The following CNBD1 variants were observed in gnomAD, a reference collection of about 807,000 sequenced individuals.
The protein encoded by CNBD1 is cyclic nucleotide binding domain containing 1, also known as cyclic nucleotide-binding domain-containing protein 1.
CNBD1 carries 71 observed loss-of-function variants against 54.4 expected under a neutral mutation model. That is an observed-to-expected ratio of 1.30 (90% confidence interval 1.08 to 1.59). The LOEUF is 1.59. CNBD1 is among the 40% of genes most tolerant of loss of function. The pLI, the probability that CNBD1 is intolerant of heterozygous loss-of-function variation, is 0.00. For synonymous variants in CNBD1, 182 were observed against 170.7 expected (o/e 1.07, Z -0.51); for missense variants, 659 against 518.0 (o/e 1.27, Z -2.64).
At chr8:87,302,201 AC>A (rs1294308738) in intron 8 of CNBD1, among the ~76,000 whole-genome samples, 5 of 152,164 alleles carry the variant, frequency 3.3e-5, no homozygotes, top group Non-Finnish European at 7.4e-5. Flanking sequence ...AGAATTTTAG[AC>A]CAATATCCCT....
intron 4 of CNBD1, among the ~76,000 whole-genome samples, chr8:87,000,285 G>A (rs1478375847): frequency 2.6e-5 from 4 of 152,070 alleles, no homozygotes; most frequent in South Asian, 2.1e-4. Context: ...ACTCTCTGTA[G>A]GCTGTCACCA....
chr8:87,200,920 C>T (rs1813846132), intron 4 of CNBD1, among the ~76,000 whole-genome samples: 1 of 152,026 alleles, frequency 6.6e-6, no homozygotes. Context: ...TAGCCTGATA[C>T]CAAAACCAAA....
intron 4 of CNBD1, among the ~76,000 whole-genome samples, chr8:87,160,229 A>C (rs905290452): frequency 2.0e-5 from 3 of 152,138 alleles, no homozygotes; most frequent in African/African-American, 7.2e-5. Context: ...TATGTATTTT[A>C]ATTTTATTTT....
chr8:87,142,541 A>T lies in CNBD1; in HGVS notation c.432-63452A>T, dbSNP rs1586286217. Among the ~76,000 whole-genome samples, 3 of 152,272 alleles carry T rather than the reference A, an allele frequency of 2.0e-5. 1 individual carries two copies. The Middle Eastern group carries it at 0.01, about 518-fold the overall frequency. ...AATACATTTAACTCTTCATAAGGTT[A>T]TGAGAATGTTTAGAAATAAAACATA... On this transcript the variant is annotated intron_variant, in intron 4 of 10. Coordinates refer to ENST00000518476, the MANE Select transcript of CNBD1 (RefSeq NM_173538.3).
chr8:87,306,263 G>T (rs1368355951), intron 8 of CNBD1, among the ~76,000 whole-genome samples: 1 of 152,042 alleles, frequency 6.6e-6, no homozygotes, highest in Non-Finnish European at 1.5e-5. Flanking sequence ...AGTAGATGGT[G>T]GTGTGGCTGC....
At chr8:87,298,063 A>C (rs1808914339) in intron 8 of CNBD1, among the ~76,000 whole-genome samples, 1 of 151,920 alleles carries the variant, frequency 6.6e-6, no homozygotes, top group African/African-American at 2.4e-5. Context: ...TGTATTTTAA[A>C]TACATCAGGA....
Position 87,265,291 on chromosome 8 carries a change from G to T in CNBD1, c.772-19387G>T, listed in dbSNP as rs187533680. On this transcript the variant is annotated intron_variant, in intron 6 of 10. Coordinates refer to ENST00000518476, the MANE Select transcript of CNBD1 (RefSeq NM_173538.3). ...CCCATTGCTTGTTTTTCTCAGGTTT[G>T]TCAAAGATCAGATAGTTGTAGATAT... Among the ~76,000 whole-genome samples the T allele has an allele frequency of 2.7e-3, 416 of 152,106 alleles. 1 individual carries two copies. Among genetic ancestry groups the T allele is most frequent in the African/African-American group, 9.6e-3 (397 of 41,460 alleles).
chr8:87,420,039 C>A (rs893071043), intron 2 of CNBD1, among the ~76,000 whole-genome samples: 1 of 150,818 alleles, frequency 6.6e-6, no homozygotes, highest in African/African-American at 2.4e-5. Flanking sequence ...ACATAATGAC[C>A]AAGTTTGATT....
At chr8:87,003,785 T>C (rs1464399115) in intron 4 of CNBD1, among the ~76,000 whole-genome samples, 1 of 152,168 alleles carries the variant, frequency 6.6e-6, no homozygotes, top group Non-Finnish European at 1.5e-5. Context: ...ACCTGCTGGC[T>C]GTGGTAACAG....
chr8:87,381,370 C>A (rs1315532337), intron 10 of CNBD1, among the ~76,000 whole-genome samples: 2 of 151,852 alleles, frequency 1.3e-5, no homozygotes, highest in Admixed American at 6.6e-5. Context: ...TATTTAAAAA[C>A]ACAAAAGAGA....
chr8:86,923,435 G>A (rs1304401188), intron 3 of CNBD1, among the ~76,000 whole-genome samples: 2 of 152,110 alleles, frequency 1.3e-5, no homozygotes, highest in Non-Finnish European at 2.9e-5. Flanking sequence ...CTTGGGCATG[G>A]GGAGATACGG....
At chr8:87,328,810 C>T (rs369586840) in intron 8 of CNBD1, among the ~76,000 whole-genome samples, 1 of 151,860 alleles carries the variant, frequency 6.6e-6, no homozygotes, top group Admixed American at 6.6e-5. Flanking sequence ...AGTGTGCAAG[C>T]CTTTCACTTT....
intron 6 of CNBD1, among the ~76,000 whole-genome samples, chr8:87,259,942 C>T (rs941512674): frequency 2.0e-5 from 3 of 152,126 alleles, no homozygotes; most frequent in Admixed American, 1.3e-4. Context: ...CGAAAGGTAA[C>T]CTTCCAGGTG....
rs1174191162 is a variant in CNBD1 at position 87,156,258 on chromosome 8, T to TAC, written c.432-49725_432-49724dup. Among the ~76,000 whole-genome samples the TAC allele has an allele frequency of 3.4e-5, 5 of 147,050 alleles. 1 individual carries two copies. Among genetic ancestry groups the TAC allele is most frequent in the Non-Finnish European group, 7.5e-5 (5 of 66,960 alleles). On this transcript the variant is annotated intron_variant, in intron 4 of 10. Transcript: ENST00000518476. ...AAACCTTCCCATGATATATAATATA[T>TAC]ACACACACACATATGTCACTCTGTC...
intron 3 of CNBD1, among the ~76,000 whole-genome samples, chr8:86,909,961 A>G (rs1809075949): frequency 6.6e-6 from 1 of 152,222 alleles, no homozygotes; most frequent in Admixed American, 6.5e-5. Context: ...GTGTAGAGTA[A>G]GATGAATGTG....
At chr8:86,996,266 T>G (rs1808867883) in intron 4 of CNBD1, among the ~76,000 whole-genome samples, 1 of 152,226 alleles carries the variant, frequency 6.6e-6, no homozygotes, top group Admixed American at 6.5e-5. Context: ...GTGCTTCTGT[T>G]GTATGTTTCA....
chr8:86,949,379 T>C (rs1807548926), intron 4 of CNBD1, among the ~76,000 whole-genome samples: 2 of 152,312 alleles, frequency 1.3e-5, no homozygotes, highest in Admixed American at 1.3e-4. Context: ...TGCTAATACA[T>C]GAACATGGAA....
chr8:87,151,273 A>G lies in CNBD1; in HGVS notation c.432-54720A>G, dbSNP rs1812597860. On this transcript the variant is annotated intron_variant, in intron 4 of 10. Transcript: ENST00000518476. ...GTACATATTCATTCATTCATCTGAC[A>G]AATACCAAGTATCTACAATCTACCA... 2.0e-5 allele frequency among the ~76,000 whole-genome samples: 3 copies of G among 152,198 alleles called. No homozygotes were observed. The South Asian group carries it at 6.2e-4, about 31-fold the overall frequency.
intron 4 of CNBD1, among the ~76,000 whole-genome samples, chr8:87,173,279 T>C (rs72665050): frequency 2.6e-5 from 4 of 152,350 alleles, no homozygotes; most frequent in Non-Finnish European, 5.9e-5. Flanking sequence ...GATTGGTTCA[T>C]TATTTGGTTT....
Sources: gnomAD v4.1 joint callset for allele counts (sites outside exome capture counted in the v4.1 genomes callset) on GRCh38, gnomAD v4.1.1 for gene constraint, MANE v1.5 for transcripts, NCBI Gene and HGNC (gene_info 2026-07-23, HGNC 2026-07-21) for gene names.